Variants in APBA2 observed in about 807,000 individuals in gnomAD.
The protein encoded by APBA2 is amyloid-beta A4 precursor protein-binding family A member 2.
A neutral mutation model predicts 75.0 loss-of-function variants in APBA2; 30 were observed. That is an observed-to-expected ratio of 0.40 (90% CI 0.30 to 0.54). The LOEUF (loss-of-function observed/expected upper bound fraction) is 0.54, where lower values mean the gene tolerates loss of function less well. Among genes scored for constraint, APBA2 ranks in the 20% least tolerant of loss-of-function variants. The pLI, the probability that APBA2 is intolerant of heterozygous loss-of-function variation, is 0.49. For synonymous variants in APBA2, 444 were observed against 409.6 expected (o/e 1.08, Z -1.01); for missense variants, 801 against 1,016.1 (o/e 0.79, Z 2.88).
chr15:28,914,877 G>T (rs2033593436), intron 1 of APBA2, among the ~76,000 whole-genome samples: 1 of 151,826 alleles, frequency 6.6e-6, no homozygotes, highest in African/African-American at 2.4e-5. Context: ...GTCCCGGGCT[G>T]CCGGCCTGCC....
intron 14 of APBA2, among the ~76,000 whole-genome samples, chr15:29,116,806 G>A (rs1003550498): frequency 1.3e-5 from 2 of 152,142 alleles, no homozygotes; most frequent in African/African-American, 4.8e-5. Flanking sequence ...GGTGTCAGCT[G>A]GACTGGAAGC....
At chr15:29,068,874 C>G (rs1269684235) in intron 4 of APBA2, among the ~76,000 whole-genome samples, 1 of 152,210 alleles carries the variant, frequency 6.6e-6, no homozygotes, top group East Asian at 1.9e-4. Context: ...GTAATACACA[C>G]GTAACATAAA....
intron 4 of APBA2, among the ~76,000 whole-genome samples, chr15:29,060,334 C>T (rs1406644233): frequency 1.3e-5 from 2 of 152,174 alleles, no homozygotes; most frequent in Non-Finnish European, 2.9e-5. Context: ...TTGCAGATGG[C>T]ACAGTTAAGT....
intron 2 of APBA2, among the ~76,000 whole-genome samples, chr15:28,943,058 T>A (rs781766459): frequency 1.3e-5 from 2 of 152,104 alleles, no homozygotes; most frequent in African/African-American, 2.4e-5. Context: ...AATTTATAAA[T>A]CCCCCTTCCT....
intron 3 of APBA2, among the ~76,000 whole-genome samples, chr15:29,004,775 G>A (rs2039026164): frequency 6.6e-6 from 1 of 152,166 alleles, no homozygotes; most frequent in African/African-American, 2.4e-5. Context: ...CGCCTCCTGG[G>A]TTCAAGCAAT....
intron 2 of APBA2, among the ~76,000 whole-genome samples, chr15:28,938,348 A>G (rs1049987163): frequency 6.6e-6 from 1 of 152,198 alleles, no homozygotes; most frequent in African/African-American, 2.4e-5. Flanking sequence ...ATCCTAAACC[A>G]CAATTACAAA....
intron 2 of APBA2, among the ~76,000 whole-genome samples, chr15:28,979,221 T>A (rs2037496366): frequency 6.6e-6 from 1 of 152,148 alleles, no homozygotes; most frequent in Non-Finnish European, 1.5e-5. Context: ...TATCTGTGGC[T>A]CTTTCTCTCG....
At chr15:28,982,212 T>A (rs1015810343) in intron 2 of APBA2, among the ~76,000 whole-genome samples, 2 of 152,168 alleles carry the variant, frequency 1.3e-5, no homozygotes, top group African/African-American at 4.8e-5. Context: ...CCCACACTTA[T>A]AAAGAGTTAA....
chr15:29,064,892 T>G (rs1365480220), intron 4 of APBA2, among the ~76,000 whole-genome samples: 2 of 152,132 alleles, frequency 1.3e-5, no homozygotes, highest in African/African-American at 2.4e-5. Flanking sequence ...CCCCTGAGCC[T>G]GAGCAGCTCT....
At chr15:29,002,613 C>T (rs2038907815) in intron 3 of APBA2, among the ~76,000 whole-genome samples, 1 of 151,982 alleles carries the variant, frequency 6.6e-6, no homozygotes, top group African/African-American at 2.4e-5. Flanking sequence ...CCTCCTGAGC[C>T]TCACGTGTGG....
At position 28,894,833 on chromosome 15, in the gene APBA2, C is replaced by T. The variant is rs559112416; in HGVS notation, c.-205+8555C>T. ...GCATGTTCAGGGGTGCATCTAGAGG[C>T]GAGGGGAGGGTGCGGGGAGGTGCTG... On this transcript the variant is annotated intron_variant, in intron 1 of 14. Transcript: ENST00000683413. Among the ~76,000 whole-genome samples, 12 of 100,162 alleles carry T rather than the reference C, an allele frequency of 1.2e-4. 1 individual carries two copies. The highest frequency in any genetic ancestry group is 3.3e-4 in the African/African-American group (9 of 26,950). The allele number at this position is 100,162 out of a possible 152,430, so 65.7% of individuals were successfully genotyped here.
intron 4 of APBA2, among the ~76,000 whole-genome samples, chr15:29,074,173 CAA>C (rs1017513466): frequency 3.9e-5 from 6 of 152,122 alleles, no homozygotes; most frequent in Non-Finnish European, 7.3e-5. Context: ...AGTGAAGACT[CAA>C]GAGATATTTG....
chr15:28,898,243 A>C (rs1042949218), intron 1 of APBA2, among the ~76,000 whole-genome samples: 3 of 152,228 alleles, frequency 2.0e-5, no homozygotes, highest in African/African-American at 7.2e-5. Context: ...CATTTGTCAC[A>C]GCAACCGTTG....
At chr15:29,043,650 T>C (rs2041162688) in intron 3 of APBA2, among the ~76,000 whole-genome samples, 2 of 152,216 alleles carry the variant, frequency 1.3e-5, no homozygotes, top group Non-Finnish European at 2.9e-5. Flanking sequence ...CTTTTGTAAA[T>C]ATTTCAGATG....
chr15:29,094,172 G>A, intron 7 of APBA2, 106 bp from the exon 8 acceptor site: 1 of 1,233,216 alleles, frequency 8.1e-7, no homozygotes, highest in Non-Finnish European at 1.2e-6. Context: ...GCTTTGCTAG[G>A]CACCAGACCT....
chr15:29,002,708 C>T (rs1019496242), intron 3 of APBA2, among the ~76,000 whole-genome samples: 7 of 152,138 alleles, frequency 4.6e-5, no homozygotes, highest in African/African-American at 1.7e-4. Flanking sequence ...TGGTGGCAGA[C>T]AGGCATGTTT....
chr15:28,974,439 C>T (rs7182415), intron 2 of APBA2, among the ~76,000 whole-genome samples: 4,689 of 152,210 alleles, frequency 0.031, 92 homozygotes, highest in East Asian at 0.078. Flanking sequence ...CCAAAACATA[C>T]GCCTCCAAAT....
chr15:28,895,739 C>T (rs973401974), intron 1 of APBA2: 3 of 152,354 alleles, frequency 2.0e-5, no homozygotes, highest in African/African-American at 7.3e-5. Flanking sequence ...TGGGACTGCG[C>T]TGGATGCTGG....
intron 3 of APBA2, among the ~76,000 whole-genome samples, chr15:29,048,799 C>T (rs1243538994): frequency 2.0e-5 from 3 of 151,474 alleles, no homozygotes; most frequent in East Asian, 1.9e-4. Context: ...ATTAGCTGGG[C>T]GTGGTGGTGC....
Sources: allele counts gnomAD v4.1 joint callset (sites outside exome capture counted in the v4.1 genomes callset), GRCh38; gene constraint gnomAD v4.1.1; transcripts MANE v1.5; gene names NCBI Gene and HGNC (gene_info 2026-07-23, HGNC 2026-07-21).